Variants in WARS2 observed in about 807,000 individuals in gnomAD.
WARS2 encodes the protein tryptophanyl tRNA synthetase 2, mitochondrial.
In WARS2, 28 loss-of-function variants were observed where a neutral mutation model predicts 36.5. The ratio of observed to expected loss-of-function variants is 0.77; its 90% confidence interval spans 0.57 to 1.05. The LOEUF (loss-of-function observed/expected upper bound fraction) is 1.05, where lower values mean the gene tolerates loss of function less well. Among genes scored for constraint, WARS2 ranks in the 50% least tolerant of loss-of-function variants. WARS2 has a pLI of 0.00. For missense variants in WARS2, 435 were observed against 456.8 expected (o/e 0.95, Z 0.44); for synonymous variants, 174 against 178.4 (o/e 0.98, Z 0.20).
chr1:119,064,140 G>C (rs1169163062), intron 2 of WARS2: 3 of 152,330 alleles, frequency 2.0e-5, no homozygotes, highest in Non-Finnish European at 4.4e-5. Context: ...TGACCTGAGT[G>C]TGAGACCTGG....
At position 119,042,310 on chromosome 1, in the gene WARS2, G is replaced by T; in HGVS notation, c.469C>A (p.Leu157Met). 1.2e-6 allele frequency: 2 copies of T among 1,613,804 alleles called. No individual in the cohort carries two copies. The highest frequency in any genetic ancestry group is 1.7e-6 in the Non-Finnish European group (2 of 1,179,908). ...TKQKHDGTVG[L>M]LTYPVLQAAD... ...GCCTGGAGTACTGGGTATGTGAGCA[G>T]GCCCACCGTGCCATCGTGCTTCTGC... The change falls in exon 4 of 6, where the codon CTG (leucine) becomes ATG (methionine). Residue 157 changes from leucine (L) to methionine (M), a missense_variant. Leu to Met is a conservative substitution (Grantham distance 15). Coordinates refer to ENST00000235521, the MANE Select transcript of WARS2 (RefSeq NM_015836.4).
chr1:119,127,678 A>G (rs1163788469), intron 1 of WARS2, among the ~76,000 whole-genome samples: 1 of 152,082 alleles, frequency 6.6e-6, no homozygotes, highest in Non-Finnish European at 1.5e-5. Flanking sequence ...TCGATTTCCC[A>G]CACTATTCTC....
chr1:119,117,024 A>C (rs1184591253), intron 1 of WARS2, among the ~76,000 whole-genome samples: 2 of 152,212 alleles, frequency 1.3e-5, no homozygotes, highest in Non-Finnish European at 2.9e-5. Context: ...GGAGGCTTTT[A>C]GGCTAAGGCA....
chr1:119,066,493 A>G (rs1445353400), intron 2 of WARS2, among the ~76,000 whole-genome samples: 17 of 151,312 alleles, frequency 1.1e-4, no homozygotes, highest in Admixed American at 8.6e-4. Context: ...AAAAAAAAAA[A>G]AAAAAAGACA....
At chr1:119,063,136 T>C (rs1273666423) in intron 2 of WARS2, 4 of 153,224 alleles carry the variant, frequency 2.6e-5, no homozygotes, top group Non-Finnish European at 5.8e-5. Context: ...GATGAGGAAC[T>C]TGTTGGGACC....
At chr1:119,085,624 G>A (rs1028176534) in intron 1 of WARS2, 4 of 1,436,992 alleles carry the variant, frequency 2.8e-6, no homozygotes, top group African/African-American at 1.4e-5. Context: ...TTAGACACAT[G>A]ATCCACTCGG....
At chr1:119,138,443 T>C (rs1656667262) in intron 1 of WARS2, among the ~76,000 whole-genome samples, 1 of 152,192 alleles carries the variant, frequency 6.6e-6, no homozygotes, top group South Asian at 2.1e-4. Context: ...AAAACGTTTT[T>C]CTGGTTATTA....
In WARS2 at chr1:119,034,249, G is replaced by T. The variant is rs766771836; in HGVS notation, c.516-36C>A. 4 of 1,546,544 alleles carry T rather than the reference G, an allele frequency of 2.6e-6. No individual in the cohort carries two copies. In the South Asian group the frequency reaches 3.4e-5, roughly 13 times the overall value. ...AGACAGACAGAAAAACAACAGCAAG[G>T]CTCTTTCTTAGAGACAGAAATGATA... On this transcript the variant is annotated intron_variant, in intron 4 of 5. Transcript: ENST00000235521.
intron 1 of WARS2, among the ~76,000 whole-genome samples, chr1:119,082,860 A>G (rs1035929957): frequency 6.6e-6 from 1 of 152,216 alleles, no homozygotes; most frequent in Non-Finnish European, 1.5e-5. Flanking sequence ...CTGTGGTAGT[A>G]TTAAAAGGCA....
chr1:119,113,873 C>T (rs1382699818), intron 1 of WARS2, among the ~76,000 whole-genome samples: 1 of 152,002 alleles, frequency 6.6e-6, no homozygotes, highest in Non-Finnish European at 1.5e-5. Flanking sequence ...ACACCTCTAG[C>T]TCTTTTCATT....
chr1:119,045,662 C>A lies in WARS2; in HGVS notation c.349G>T (p.Val117Leu). 6.3e-7 allele frequency: 1 copy of A among 1,582,560 alleles called. No homozygotes were observed. Among genetic ancestry groups the A allele is most frequent in the Non-Finnish European group, 8.6e-7 (1 of 1,160,648 alleles). ...CAACTTAATTGTGTGTGTTCAGACA[C>A]CTAAAGAAATAAAATAGAACATTAG... ...EKSILFQQSQ[V>L]SEHTQLSWIL... The change falls in exon 3 of 6, where the codon GTG becomes TTG. Residue 117 changes from valine to leucine, a missense_variant and splice_region_variant. By Grantham distance (32) the Val-to-Leu change is conservative. Transcript: ENST00000235521.
chr1:119,136,187 C>T (rs1656497854), intron 1 of WARS2, among the ~76,000 whole-genome samples: 1 of 151,996 alleles, frequency 6.6e-6, no homozygotes, highest in East Asian at 1.9e-4. Flanking sequence ...TCTTCTGTAA[C>T]TTGCAGTCAT....
chr1:119,037,696 T>G (rs1421715193), intron 4 of WARS2, among the ~76,000 whole-genome samples: 6 of 152,212 alleles, frequency 3.9e-5, no homozygotes, highest in African/African-American at 1.4e-4. Flanking sequence ...AAGCTTTAAA[T>G]TCTTCTGGCC....
intron 3 of WARS2, among the ~76,000 whole-genome samples, chr1:119,044,433 C>T (rs1361935109): frequency 1.3e-5 from 2 of 152,054 alleles, no homozygotes; most frequent in African/African-American, 4.8e-5. Context: ...TGCCTAAAAC[C>T]AAAATATGGC....
intron 2 of WARS2, among the ~76,000 whole-genome samples, chr1:119,059,940 T>C (rs887918419): frequency 6.6e-6 from 1 of 151,556 alleles, no homozygotes; most frequent in African/African-American, 2.4e-5. Flanking sequence ...TTTCAAAGGG[T>C]GGAGGGTAGG....
intron 2 of WARS2, among the ~76,000 whole-genome samples, chr1:119,066,295 G>T (rs10737748): frequency 1.3e-5 from 2 of 151,706 alleles, no homozygotes; most frequent in South Asian, 2.1e-4. Flanking sequence ...TGGCTAATAC[G>T]GTGAAACCCC....
At chr1:119,071,009 C>A (rs936609496) in intron 2 of WARS2, among the ~76,000 whole-genome samples, 1 of 152,080 alleles carries the variant, frequency 6.6e-6, no homozygotes, top group South Asian at 2.1e-4. Flanking sequence ...ATGGTGAAAC[C>A]CTGTCTCTAC....
At chr1:119,056,375 T>C (rs1283966943) in intron 2 of WARS2, among the ~76,000 whole-genome samples, 1 of 151,142 alleles carries the variant, frequency 6.6e-6, no homozygotes, top group East Asian at 1.9e-4. Context: ...ACCTGCAGTG[T>C]TCCCTACACT....
chr1:119,064,757 T>A (rs1650690950), intron 2 of WARS2: 1 of 153,002 alleles, frequency 6.5e-6, no homozygotes, highest in Non-Finnish European at 1.5e-5. Context: ...TGTAAAACTC[T>A]AAGTCCAATT....
Sources: allele counts gnomAD v4.1 joint callset (sites outside exome capture counted in the v4.1 genomes callset), GRCh38; gene constraint gnomAD v4.1.1; transcripts MANE v1.5; gene names NCBI Gene and HGNC (gene_info 2026-07-23, HGNC 2026-07-21).